Variants in CDYL2 observed in about 807,000 individuals in gnomAD.
The protein encoded by CDYL2 is chromodomain Y like 2.
A neutral mutation model predicts 49.4 loss-of-function variants in CDYL2; 23 were observed. The observed-to-expected ratio is 0.47, with a 90% CI of 0.34 to 0.66. The LOEUF is 0.66. CDYL2 is among the 30% of genes least tolerant of loss of function. The probability of loss-of-function intolerance (pLI) is 0.01; values close to 1 mark genes in which losing one functional copy is unlikely to be tolerated. For missense variants in CDYL2, 678 were observed against 656.4 expected, an observed-to-expected ratio of 1.03 and a Z score of -0.36; for synonymous variants, 360 against 268.8, an observed-to-expected ratio of 1.34 and a Z score of -3.32.
At chr16:80,715,610 G>C (rs182898204) in intron 1 of CDYL2, among the ~76,000 whole-genome samples, 1 of 152,074 alleles carries the variant, frequency 6.6e-6, no homozygotes, top group African/African-American at 2.4e-5. Context: ...ATTGCCTCCA[G>C]AGGAATTTTT....
chr16:80,733,969 C>A (rs902768040), intron 1 of CDYL2, among the ~76,000 whole-genome samples: 2 of 152,166 alleles, frequency 1.3e-5, no homozygotes, highest in Admixed American at 1.3e-4. Context: ...ACCCACAAGG[C>A]CTTTCAGAAA....
At chr16:80,724,188 G>A (rs1004440269) in intron 1 of CDYL2, among the ~76,000 whole-genome samples, 4 of 148,304 alleles carry the variant, frequency 2.7e-5, no homozygotes, top group African/African-American at 1.0e-4. Context: ...AGGAAGAGGA[G>A]AGGAGGAGGG....
chr16:80,776,568 T>C (rs1907089498), intron 1 of CDYL2, among the ~76,000 whole-genome samples: 2 of 150,522 alleles, frequency 1.3e-5, no homozygotes, highest in South Asian at 2.1e-4. Context: ...TTTATTTATA[T>C]ATTATATACT....
intron 2 of CDYL2, among the ~76,000 whole-genome samples, chr16:80,677,677 T>G (rs1231550426): frequency 6.6e-6 from 1 of 151,744 alleles, no homozygotes; most frequent in African/African-American, 2.4e-5. Flanking sequence ...AGGCGGAGCT[T>G]GCAGTGAGCC....
At chr16:80,712,215 A>ATATATATATATATATATATATATATATG (rs763194077) in intron 1 of CDYL2, among the ~76,000 whole-genome samples, 3 of 128,348 alleles carry the variant, frequency 2.3e-5, no homozygotes, top group Non-Finnish European at 3.5e-5. Context: ...ATATATATAT[A>ATATATATATATATATATATATATATATG]TCTCCAAACC....
At chr16:80,772,991 A>T (rs1001809299) in intron 1 of CDYL2, among the ~76,000 whole-genome samples, 2 of 152,190 alleles carry the variant, frequency 1.3e-5, no homozygotes, top group Non-Finnish European at 2.9e-5. Flanking sequence ...AACTGGTCTA[A>T]ATATTCCAAT....
chr16:80,732,879 G>GA (rs57804183), intron 1 of CDYL2, among the ~76,000 whole-genome samples: 64,179 of 151,946 alleles, frequency 0.42, 16,371 homozygotes, highest in Middle Eastern at 0.61. Context: ...GTCAAGTTGG[G>GA]AAAGTTGATG....
At chr16:80,803,768 G>A (rs1430543974) in intron 1 of CDYL2, among the ~76,000 whole-genome samples, 1 of 139,064 alleles carries the variant, frequency 7.2e-6, no homozygotes, top group African/African-American at 2.6e-5. Context: ...GTCCGGCGCC[G>A]ACTTTTACCT....
chr16:80,719,084 A>G (rs1274363331), intron 1 of CDYL2, among the ~76,000 whole-genome samples: 3 of 152,050 alleles, frequency 2.0e-5, no homozygotes, highest in African/African-American at 7.2e-5. Flanking sequence ...AGCGAACATT[A>G]CTCATTCATT....
In CDYL2 at chr16:80,684,730, TG is replaced by T; in HGVS notation, c.423del (p.Ser142ValfsTer5). The T allele has an allele frequency of 6.2e-7, 1 of 1,614,112 alleles. No homozygotes were observed. Among genetic ancestry groups the T allele is most frequent in the Non-Finnish European group, 8.5e-7 (1 of 1,180,008 alleles). On this transcript the variant is annotated frameshift_variant, in exon 2 of 7. Transcript: ENST00000570137. LOFTEE classifies it high-confidence loss of function. The part of the protein sequence containing the change: ...ATKTVSYRTT[P>X]SGLQIMPLKK... ...TTCAGGGGCATTATTTGCAAACCAC[TG>T]GGGGTAGTCCTGTAAGACACCGTCT...
At chr16:80,638,960 G>A (rs943529491) in intron 2 of CDYL2, among the ~76,000 whole-genome samples, 2 of 152,114 alleles carry the variant, frequency 1.3e-5, no homozygotes, top group East Asian at 3.9e-4. Context: ...CATGATCCGT[G>A]AAATAAAAAA....
chr16:80,675,927 G>A (rs1054529460), intron 2 of CDYL2, among the ~76,000 whole-genome samples: 1 of 152,154 alleles, frequency 6.6e-6, no homozygotes, highest in Non-Finnish European at 1.5e-5. Flanking sequence ...GGAGGAAAAC[G>A]ACAGCTGAGC....
intron 3 of CDYL2, among the ~76,000 whole-genome samples, chr16:80,629,169 G>A (rs1907439725): frequency 6.6e-6 from 1 of 152,128 alleles, no homozygotes; most frequent in Non-Finnish European, 1.5e-5. Flanking sequence ...GGTTGGGGAG[G>A]GGTGTGTGTA....
intron 1 of CDYL2, among the ~76,000 whole-genome samples, chr16:80,731,912 T>TA (rs36094462): frequency 0.77 from 111,696 of 144,204 alleles, 44,787 homozygotes; most frequent in Non-Finnish European, 0.89. Flanking sequence ...GCAGCACAGT[T>TA]AAAAAAAAAA....
chr16:80,644,209 A>T (rs1454889614), intron 2 of CDYL2, among the ~76,000 whole-genome samples: 1 of 152,244 alleles, frequency 6.6e-6, no homozygotes, highest in Non-Finnish European at 1.5e-5. Context: ...CTAAAACATA[A>T]CAAGTGCCAC....
At chr16:80,745,361 G>T (rs901693318) in intron 1 of CDYL2, among the ~76,000 whole-genome samples, 1 of 152,136 alleles carries the variant, frequency 6.6e-6, no homozygotes, top group East Asian at 1.9e-4. Flanking sequence ...GGAGCCAAAA[G>T]AAACACATAA....
At chr16:80,709,167 A>C (rs1281554171) in intron 1 of CDYL2, among the ~76,000 whole-genome samples, 3 of 152,154 alleles carry the variant, frequency 2.0e-5, no homozygotes, top group Non-Finnish European at 4.4e-5. Flanking sequence ...GCAGATCACG[A>C]AGTCAACAGA....
intron 1 of CDYL2, among the ~76,000 whole-genome samples, chr16:80,789,332 G>C (rs1001787260): frequency 1.3e-5 from 2 of 152,190 alleles, no homozygotes; most frequent in Non-Finnish European, 2.9e-5. Flanking sequence ...GCCAGGTGCG[G>C]TGGCTCACGC....
intron 1 of CDYL2, among the ~76,000 whole-genome samples, chr16:80,750,730 C>T (rs1268235252): frequency 6.6e-6 from 1 of 152,114 alleles, no homozygotes; most frequent in Non-Finnish European, 1.5e-5. Flanking sequence ...TATTAATAAA[C>T]TATTTCAGGC....
Sources: allele counts gnomAD v4.1 joint callset (sites outside exome capture counted in the v4.1 genomes callset), GRCh38; gene constraint gnomAD v4.1.1; transcripts MANE v1.5; gene names NCBI Gene and HGNC (gene_info 2026-07-23, HGNC 2026-07-21).